FAF1: variants seen among roughly 807,000 people sequenced by gnomAD.
The protein encoded by FAF1 is Fas associated factor 1.
Under a neutral mutation model 92.5 loss-of-function variants are expected in FAF1, and 25 were observed. The observed-to-expected ratio is 0.27, with a 90% CI of 0.20 to 0.38. The LOEUF (loss-of-function observed/expected upper bound fraction) is 0.38. FAF1 is among the 10% of genes least tolerant of loss of function. FAF1 has a pLI of 1.00. For synonymous variants in FAF1, 234 were observed against 273.2 expected (o/e 0.86, Z 1.42); for missense variants, 636 against 793.3 (o/e 0.80, Z 2.38).
At chr1:50,884,062 T>G (rs1010390286) in intron 1 of FAF1, among the ~76,000 whole-genome samples, 2 of 151,866 alleles carry the variant, frequency 1.3e-5, no homozygotes, top group Admixed American at 1.3e-4. Context: ...GAGGCGGAAG[T>G]TGCAGTGAGC....
intron 2 of FAF1, among the ~76,000 whole-genome samples, chr1:50,857,703 A>G (rs1644400913): frequency 1.3e-5 from 2 of 152,000 alleles, no homozygotes; most frequent in East Asian, 3.9e-4. Flanking sequence ...ACAGTAAAAT[A>G]AGAGAAAAAC....
At chr1:50,820,607 T>C (rs555791615) in intron 2 of FAF1, among the ~76,000 whole-genome samples, 8 of 152,306 alleles carry the variant, frequency 5.3e-5, no homozygotes, top group African/African-American at 1.7e-4. Context: ...TCAGAATTTA[T>C]TCATGTTACA....
chr1:50,664,983 G>C (rs556383081), intron 7 of FAF1, among the ~76,000 whole-genome samples: 1 of 152,220 alleles, frequency 6.6e-6, no homozygotes, highest in South Asian at 2.1e-4. Context: ...TTATTTAATG[G>C]CTTAGTAAAT....
chr1:50,628,369 A>C (rs1653607037), intron 8 of FAF1, among the ~76,000 whole-genome samples: 1 of 152,084 alleles, frequency 6.6e-6, no homozygotes, highest in Non-Finnish European at 1.5e-5. Context: ...TCTGATTTGA[A>C]ACTGTAGGAT....
At chr1:50,935,059 T>A (rs1380352831) in intron 1 of FAF1, among the ~76,000 whole-genome samples, 1 of 152,226 alleles carries the variant, frequency 6.6e-6, no homozygotes, top group Non-Finnish European at 1.5e-5. Context: ...TGTATATTTA[T>A]GTCTCACACC....
At chr1:50,959,638 C>A (rs1480131904) in intron 1 of FAF1, 129 bp downstream of exon 1, 4 of 649,910 alleles carry the variant, frequency 6.2e-6, no homozygotes, top group Non-Finnish European at 1.1e-5. Context: ...CACACACACA[C>A]GCCACGCACC....
chr1:50,948,235 A>G (rs868784469), intron 1 of FAF1, among the ~76,000 whole-genome samples: 41 of 152,246 alleles, frequency 2.7e-4, no homozygotes, highest in African/African-American at 9.9e-4. Flanking sequence ...ATCAAGCATC[A>G]GTATACTGAA....
intron 2 of FAF1, among the ~76,000 whole-genome samples, chr1:50,846,245 CA>C (rs75791117): frequency 3.0e-3 from 401 of 133,760 alleles, no homozygotes; most frequent in East Asian, 7.2e-3. Flanking sequence ...ACAATGCATA[CA>C]AAAAAAAAAA....
At chr1:50,551,011 C>T (rs1346058975) in intron 13 of FAF1, among the ~76,000 whole-genome samples, 4 of 152,182 alleles carry the variant, frequency 2.6e-5, no homozygotes, top group African/African-American at 9.6e-5. Flanking sequence ...TATGACATGT[C>T]CTTTCTCTCC....
intron 2 of FAF1, among the ~76,000 whole-genome samples, chr1:50,809,151 A>C (rs1444937254): frequency 6.6e-6 from 1 of 152,140 alleles, no homozygotes; most frequent in Non-Finnish European, 1.5e-5. Context: ...ATAGCGCTGA[A>C]CACCCACAGC....
chr1:50,614,278 T>A (rs903071025), intron 8 of FAF1, among the ~76,000 whole-genome samples: 1 of 152,152 alleles, frequency 6.6e-6, no homozygotes, highest in Non-Finnish European at 1.5e-5. Flanking sequence ...ATGCCACAAA[T>A]CTGAAAGCTG....
chr1:50,774,914 A>G (rs1378922151), intron 4 of FAF1, among the ~76,000 whole-genome samples: 1 of 152,122 alleles, frequency 6.6e-6, no homozygotes, highest in Non-Finnish European at 1.5e-5. Flanking sequence ...TGAAACTGCA[A>G]TAAGGACCCT....
intron 13 of FAF1, among the ~76,000 whole-genome samples, chr1:50,564,295 T>TTTTTTTTTTTTTTTTTTTTTTTTTG (rs1266408950): frequency 6.6e-6 from 1 of 152,062 alleles, no homozygotes; most frequent in Non-Finnish European, 1.5e-5. Flanking sequence ...TCTAAATTTT[T>TTTTTTTTTTTTTTTTTTTTTTTTTG]ATGGCCTGTC....
At chr1:50,757,333 T>C (rs1236410635) in intron 4 of FAF1, among the ~76,000 whole-genome samples, 2 of 152,262 alleles carry the variant, frequency 1.3e-5, no homozygotes, top group Non-Finnish European at 2.9e-5. Context: ...TCTCCAATTG[T>C]GAATTTATCC....
At chr1:50,518,088 A>G (rs890303180) in intron 15 of FAF1, among the ~76,000 whole-genome samples, 1 of 152,162 alleles carries the variant, frequency 6.6e-6, no homozygotes, top group Non-Finnish European at 1.5e-5. Flanking sequence ...TCATCATACA[A>G]AAAATATCCC....
At chr1:50,711,678 G>A (rs1272513433) in intron 6 of FAF1, among the ~76,000 whole-genome samples, 1 of 151,888 alleles carries the variant, frequency 6.6e-6, no homozygotes, top group Non-Finnish European at 1.5e-5. Flanking sequence ...TATTGGTCAG[G>A]CTGGTCTTGA....
At chr1:50,553,157 G>A (rs1265333383) in intron 13 of FAF1, among the ~76,000 whole-genome samples, 1 of 152,152 alleles carries the variant, frequency 6.6e-6, no homozygotes, top group Non-Finnish European at 1.5e-5. Context: ...CAATAGATTG[G>A]AAGGCATGAG....
chr1:50,853,139 T>C (rs890927136), intron 2 of FAF1, among the ~76,000 whole-genome samples: 34 of 152,164 alleles, frequency 2.2e-4, no homozygotes, highest in African/African-American at 8.2e-4. Flanking sequence ...CAGGTGTTCA[T>C]AACACTGTAT....
chr1:50,707,527 C>T (rs1401557941), intron 6 of FAF1, among the ~76,000 whole-genome samples: 9 of 151,678 alleles, frequency 5.9e-5, no homozygotes, highest in African/African-American at 1.9e-4. Context: ...GGTGAAACCT[C>T]GTCTCTATTA....
Sources: allele counts gnomAD v4.1 joint callset (sites outside exome capture counted in the v4.1 genomes callset), GRCh38; gene constraint gnomAD v4.1.1; transcripts MANE v1.5; gene names NCBI Gene and HGNC (gene_info 2026-07-23, HGNC 2026-07-21).